Variants in MAD1L1 observed in about 807,000 individuals in gnomAD.
MAD1L1 encodes mitotic spindle assembly checkpoint protein MAD1.
A neutral mutation model predicts 96.9 loss-of-function variants in MAD1L1; 95 were observed. The observed-to-expected ratio is 0.98, with a 90% CI of 0.83 to 1.16. MAD1L1 has a LOEUF of 1.16. Ranked by LOEUF, MAD1L1 falls within the 50% of genes most tolerant of loss-of-function variation. The pLI, the probability that MAD1L1 is intolerant of heterozygous loss-of-function variation, is 0.00. For missense variants in MAD1L1, 1,007 were observed against 954.4 expected (o/e 1.06, Z -0.73); for synonymous variants, 473 against 396.6 (o/e 1.19, Z -2.29).
intron 18 of MAD1L1, among the ~76,000 whole-genome samples, chr7:1,870,705 C>T (rs1195393264): frequency 6.7e-6 from 1 of 148,352 alleles, no homozygotes; most frequent in African/African-American, 2.5e-5. Context: ...CAACATACAC[C>T]TGCCACACTG....
At chr7:2,193,936 ATTTTT>A (rs35067993) in intron 10 of MAD1L1, among the ~76,000 whole-genome samples, 3 of 82,798 alleles carry the variant, frequency 3.6e-5, no homozygotes, top group East Asian at 4.1e-4. Context: ...CTCTGCATGG[ATTTTT>A]TTTTTTTTTT....
chr7:1,980,439 T>A lies in MAD1L1; in HGVS notation c.1505+14A>T. 6.2e-7 allele frequency: 1 copy of A among 1,606,336 alleles called. No individual in the cohort carries two copies. The highest frequency in any genetic ancestry group is 8.5e-7 in the Non-Finnish European group (1 of 1,176,370). On this transcript the variant is annotated intron_variant, in intron 15 of 18. Coordinates refer to ENST00000265854, the MANE Select transcript of MAD1L1 (RefSeq NM_001013836.2). ...CACACCTGGGCGTGTCCGCCTCCTC[T>A]CTGGGGGACGTACCTGAGCGTGTCC...
At chr7:1,909,660 C>T (rs1166826921) in intron 17 of MAD1L1, among the ~76,000 whole-genome samples, 8 of 152,146 alleles carry the variant, frequency 5.3e-5, no homozygotes, top group Admixed American at 2.0e-4. Context: ...TCCAAATTCC[C>T]GGAGACCAGC....
chr7:2,159,884 C>T (rs1382769486), intron 10 of MAD1L1, among the ~76,000 whole-genome samples: 1 of 152,132 alleles, frequency 6.6e-6, no homozygotes, highest in South Asian at 2.1e-4. Context: ...GCTATGCTGC[C>T]GTGTGCAGAA....
chr7:1,831,287 A>G (rs1190426281), intron 18 of MAD1L1, among the ~76,000 whole-genome samples: 2 of 152,152 alleles, frequency 1.3e-5, no homozygotes, highest in East Asian at 3.8e-4. Flanking sequence ...GTGATCTTTG[A>G]TGTCACCATT....
intron 17 of MAD1L1, among the ~76,000 whole-genome samples, chr7:1,936,070 G>T (rs1203332087): frequency 6.6e-6 from 1 of 152,228 alleles, no homozygotes; most frequent in Non-Finnish European, 1.5e-5. Flanking sequence ...AGTGACTCTG[G>T]ACTCCCAGCC....
At chr7:2,132,948 G>C (rs1788588461) in intron 11 of MAD1L1, among the ~76,000 whole-genome samples, 1 of 152,232 alleles carries the variant, frequency 6.6e-6, no homozygotes, top group Non-Finnish European at 1.5e-5. Context: ...CACTTCATCA[G>C]TTACCAGGAG....
intron 12 of MAD1L1, among the ~76,000 whole-genome samples, chr7:2,032,119 A>G (rs986827080): frequency 6.6e-6 from 1 of 152,222 alleles, no homozygotes; most frequent in African/African-American, 2.4e-5. Context: ...TCCATGCATC[A>G]GCTCCCTGAC....
intron 18 of MAD1L1, among the ~76,000 whole-genome samples, chr7:1,817,859 C>T (rs1461756244): frequency 1.3e-5 from 2 of 152,022 alleles, no homozygotes; most frequent in Admixed American, 1.3e-4. Context: ...CATGCCTGGG[C>T]TGGGCCCCGC....
chr7:1,950,530 G>A (rs1302390874), intron 16 of MAD1L1, among the ~76,000 whole-genome samples: 1 of 152,204 alleles, frequency 6.6e-6, no homozygotes, highest in Non-Finnish European at 1.5e-5. Flanking sequence ...CAATTTGGAG[G>A]GAGAAGATAA....
At chr7:1,897,768 G>T (rs1010871854) in intron 18 of MAD1L1, among the ~76,000 whole-genome samples, 11 of 152,182 alleles carry the variant, frequency 7.2e-5, no homozygotes, top group Non-Finnish European at 1.3e-4. Context: ...GCCCTGTGCT[G>T]GCTTCTGGGA....
At chr7:1,949,246 A>G (rs551730709) in intron 16 of MAD1L1, among the ~76,000 whole-genome samples, 1 of 152,150 alleles carries the variant, frequency 6.6e-6, no homozygotes, top group East Asian at 2.0e-4. Context: ...GGCTATGGTG[A>G]CCTACCAAGT....
In MAD1L1 at chr7:1,936,773, A is replaced by G; in HGVS notation, c.1721T>C (p.Leu574Pro). 6.3e-7 allele frequency: 1 copy of G among 1,575,550 alleles called. No individual in the cohort carries two copies. The highest frequency in any genetic ancestry group is 1.3e-5 in the African/African-American group (1 of 74,410). Residue 574 changes from leucine (L) to proline (P), a missense_variant, in exon 17 of 19, where the codon CTC becomes CCC. By Grantham distance (98) the Leu-to-Pro change is moderately conservative. Transcript: ENST00000265854. ...LQAECERLRGLLRAMERGGTV... is the reference protein window; with the variant it reads ...LQAECERLRGPLRAMERGGTV... ...GCCTCCTCTCTCCATGGCGCGCAGG[A>G]GCCCGCGCAGTCGCTCGCACTCCGC...
At chr7:2,207,182 A>G (rs1023154441) in intron 10 of MAD1L1, among the ~76,000 whole-genome samples, 4 of 152,054 alleles carry the variant, frequency 2.6e-5, no homozygotes, top group African/African-American at 4.8e-5. Flanking sequence ...GCAAACTGCC[A>G]TCTTAACAAT....
At chr7:2,117,555 T>G (rs1787771185) in intron 11 of MAD1L1, among the ~76,000 whole-genome samples, 1 of 152,194 alleles carries the variant, frequency 6.6e-6, no homozygotes, top group Admixed American at 6.5e-5. Context: ...GCTCACGTGA[T>G]AGTGAGCTCT....
At chr7:1,837,708 C>A (rs1783007172) in intron 18 of MAD1L1, among the ~76,000 whole-genome samples, 1 of 152,236 alleles carries the variant, frequency 6.6e-6, no homozygotes, top group Admixed American at 6.5e-5. Context: ...ATGCCACTTA[C>A]AGAAACTCTG....
rs537245252 is a variant in MAD1L1, at chr7:2,127,682, G to A, written c.1073+21470C>T. Among the ~76,000 whole-genome samples, 8 of 152,158 alleles carry A rather than the reference G, an allele frequency of 5.3e-5. No homozygotes were observed. The South Asian group carries it at 6.2e-4, about 12-fold the overall frequency. On this transcript the variant is annotated intron_variant, in intron 11 of 18. Transcript: ENST00000265854. ...AGCGGACCCACAGGAACCCACCTGC[G>A]GAGAGGAGGAACCCGCAGGAACCCA...
chr7:1,952,255 A>G (rs1779531203), intron 16 of MAD1L1, among the ~76,000 whole-genome samples: 2 of 152,232 alleles, frequency 1.3e-5, no homozygotes, highest in African/African-American at 4.8e-5. Flanking sequence ...TCATGGAAAG[A>G]AAACGAGCAC....
intron 10 of MAD1L1, among the ~76,000 whole-genome samples, chr7:2,178,828 C>G (rs541519188): frequency 2.5e-3 from 381 of 150,088 alleles, no homozygotes; most frequent in African/African-American, 8.9e-3. Flanking sequence ...ACCCAGGAGA[C>G]GGAGGTTGCA....
Sources: allele counts gnomAD v4.1 joint callset (sites outside exome capture counted in the v4.1 genomes callset), GRCh38; gene constraint gnomAD v4.1.1; transcripts MANE v1.5; gene names NCBI Gene and HGNC (gene_info 2026-07-23, HGNC 2026-07-21).